The following STON2 variants were observed in gnomAD, a reference collection of about 807,000 sequenced individuals.
The protein encoded by STON2 is stonin-2.
STON2 carries 29 observed loss-of-function variants against 65.7 expected under a neutral mutation model. That is an observed-to-expected ratio of 0.44 (90% confidence interval 0.33 to 0.60). STON2 has a LOEUF of 0.60. Among genes scored for constraint, STON2 ranks in the 20% least tolerant of loss-of-function variants. STON2 has a pLI of 0.03. For missense variants in STON2, 1,054 were observed against 1,118.1 expected (o/e 0.94, Z 0.82); for synonymous variants, 404 against 414.2 (o/e 0.98, Z 0.30).
intron 4 of STON2, among the ~76,000 whole-genome samples, chr14:81,361,194 A>C (rs900178535): frequency 1.2e-4 from 18 of 152,180 alleles, no homozygotes; most frequent in Admixed American, 1.2e-3. Flanking sequence ...CCAAATAGCC[A>C]AAGCTATCAT....
intron 5 of STON2, among the ~76,000 whole-genome samples, chr14:81,288,379 T>C (rs576596295): frequency 4.6e-5 from 7 of 152,206 alleles, no homozygotes; most frequent in Non-Finnish European, 8.8e-5. Flanking sequence ...CAAACCTAGA[T>C]AGTATAACCT....
chr14:81,384,697 T>C (rs922528658), intron 3 of STON2, among the ~76,000 whole-genome samples: 1 of 152,224 alleles, frequency 6.6e-6, no homozygotes, highest in Non-Finnish European at 1.5e-5. Context: ...CAAAATAACA[T>C]GGATTATGTG....
intron 2 of STON2, among the ~76,000 whole-genome samples, chr14:81,418,654 T>C (rs1246332227): frequency 6.6e-6 from 1 of 152,214 alleles, no homozygotes; most frequent in Non-Finnish European, 1.5e-5. Context: ...AGATTGAAGC[T>C]TGCCTCAGGT....
chr14:81,270,827 G>C lies in STON2; in HGVS notation c.2627C>G (p.Ser876Cys). The part of the protein sequence containing the change: ...HCFFCHLELG[S>C]DREVPSRFAN... ...AAATCTGGAAGGCACTTCCCGGTCAGAGCCGAGTTCAAGGTGGCAAAAGAA... is the reference window on the plus strand; with the variant it reads ...AAATCTGGAAGGCACTTCCCGGTCACAGCCGAGTTCAAGGTGGCAAAAGAA... The change falls in exon 7 of 8, where the codon TCT becomes TGT. Residue 876 changes from serine (S) to cysteine (C), a missense_variant. Transcript: ENST00000614646. The C allele has an allele frequency of 1.9e-6, 3 of 1,613,872 alleles. No homozygotes were observed. The highest frequency in any genetic ancestry group is 2.5e-6 in the Non-Finnish European group (3 of 1,180,036).
At chr14:81,410,604 T>C (rs1901108908) in intron 2 of STON2, among the ~76,000 whole-genome samples, 1 of 152,148 alleles carries the variant, frequency 6.6e-6, no homozygotes, top group South Asian at 2.1e-4. Context: ...GGCCAACCCT[T>C]GATTTCTGCC....
intron 4 of STON2, among the ~76,000 whole-genome samples, chr14:81,325,574 T>G (rs1896976825): frequency 6.6e-6 from 1 of 152,234 alleles, no homozygotes; most frequent in South Asian, 2.1e-4. Flanking sequence ...TAACCACTGT[T>G]AGCAATTTCT....
chr14:81,350,132 A>G (rs1019351218), intron 4 of STON2, among the ~76,000 whole-genome samples: 2 of 152,130 alleles, frequency 1.3e-5, no homozygotes, highest in South Asian at 4.1e-4. Flanking sequence ...AGAAGGAACA[A>G]ATTCTGTTTG....
rs542351259 is a variant in STON2, at chr14:81,383,768, C to T, written c.373+12126G>A. ...TATTCTCAGATACACCACTCTCAACCGCTACACCATAGCTGCCACACAGTT... is the reference window on the plus strand; with the variant it reads ...TATTCTCAGATACACCACTCTCAACTGCTACACCATAGCTGCCACACAGTT... On this transcript the variant is annotated intron_variant, in intron 3 of 7. Transcript: ENST00000614646. Among the ~76,000 whole-genome samples the T allele has an allele frequency of 3.2e-4, 49 of 152,262 alleles. 1 individual carries two copies. Among genetic ancestry groups the T allele is most frequent in the African/African-American group, 9.1e-4 (38 of 41,548 alleles).
intron 5 of STON2, among the ~76,000 whole-genome samples, chr14:81,311,501 T>C (rs1252426400): frequency 6.6e-6 from 1 of 152,364 alleles, no homozygotes; most frequent in East Asian, 1.9e-4. Context: ...AGCCAGGTAC[T>C]GTACAAAAGA....
chr14:81,402,443 T>C (rs1900653837), upstream of STON2, among the ~76,000 whole-genome samples: 2 of 152,192 alleles, frequency 1.3e-5, no homozygotes, highest in Non-Finnish European at 2.9e-5. Flanking sequence ...TTCTGGTGGT[T>C]AGTCACCAAA....
In STON2 at chr14:81,262,447, T is replaced by A. The variant is rs1016133329; in HGVS notation, c.*5967A>T. ...CTATCCCTTTTTACTATGCAATCTT[T>A]ATTTTTCCTGGAGCTTCTTACTTTT... is the stretch of plus-strand genomic sequence containing the variant. On this transcript the variant is annotated 3_prime_UTR_variant, in exon 8 of 8. Coordinates refer to ENST00000614646, the MANE Select transcript of STON2 (RefSeq NM_001394390.1). 1.5e-5 allele frequency: 15 copies of A among 985,374 alleles called. No individual in the cohort carries two copies. The highest frequency in any genetic ancestry group is 1.7e-5 in the African/African-American group (1 of 57,372). The allele number at this position is 985,374 out of a possible 1,614,324, so 61.0% of individuals were successfully genotyped here. A position where few individuals can be genotyped will look rare whatever the true frequency, so the allele number is the denominator to read the frequency against.
At chr14:81,388,691 G>A (rs956551313) in intron 3 of STON2, among the ~76,000 whole-genome samples, 2 of 152,128 alleles carry the variant, frequency 1.3e-5, no homozygotes, top group African/African-American at 2.4e-5. Flanking sequence ...TTTATTCTTA[G>A]GTGGCACAGT....
At chr14:81,272,006 G>A (rs1199023217) in intron 6 of STON2, among the ~76,000 whole-genome samples, 7 of 152,130 alleles carry the variant, frequency 4.6e-5, no homozygotes, top group African/African-American at 7.2e-5. Context: ...GGTGGATCAC[G>A]AGGTCAGGAG....
At chr14:81,340,660 C>T (rs958881250) in intron 4 of STON2, among the ~76,000 whole-genome samples, 6 of 152,128 alleles carry the variant, frequency 3.9e-5, no homozygotes, top group Non-Finnish European at 5.9e-5. Flanking sequence ...ACAGCCCACC[C>T]ACCACCTAGA....
chr14:81,416,835 C>G (rs1901461427), intron 2 of STON2, among the ~76,000 whole-genome samples: 1 of 152,116 alleles, frequency 6.6e-6, no homozygotes, highest in African/African-American at 2.4e-5. Context: ...ATCAGTAGAG[C>G]TGCAGGCACA....
At chr14:81,370,862 G>T in intron 4 of STON2, 126 bp downstream of exon 4, 2 of 846,716 alleles carry the variant, frequency 2.4e-6, no homozygotes, top group Non-Finnish European at 3.7e-6. Flanking sequence ...TTTTTGACTG[G>T]ATAACAACAC....
intron 4 of STON2, among the ~76,000 whole-genome samples, chr14:81,353,706 G>A (rs928025567): frequency 1.3e-5 from 2 of 152,084 alleles, no homozygotes; most frequent in African/African-American, 4.8e-5. Context: ...ACACTTCCCA[G>A]TAAGCCCACG....
At chr14:81,429,214 A>G (rs1383992030) in intron 1 of STON2, among the ~76,000 whole-genome samples, 1 of 152,228 alleles carries the variant, frequency 6.6e-6, no homozygotes, top group Admixed American at 6.5e-5. Flanking sequence ...TGTCATTCTT[A>G]GTGTCACCAT....
At chr14:81,287,572 C>G (rs560746484) in intron 5 of STON2, among the ~76,000 whole-genome samples, 3 of 152,302 alleles carry the variant, frequency 2.0e-5, no homozygotes, top group South Asian at 4.1e-4. Context: ...GCCATTAGGA[C>G]AGCCTGACCT....
Sources: gnomAD v4.1 joint callset for allele counts (sites outside exome capture counted in the v4.1 genomes callset) on GRCh38, gnomAD v4.1.1 for gene constraint, MANE v1.5 for transcripts, NCBI Gene and HGNC (gene_info 2026-07-23, HGNC 2026-07-21) for gene names.